Variants in WWOX observed in about 807,000 individuals in gnomAD.
WWOX encodes WW domain containing oxidoreductase.
In WWOX, 69 loss-of-function variants were observed where a neutral mutation model predicts 46.2. That is an observed-to-expected ratio of 1.49 (90% CI 1.23 to 1.82). The LOEUF is 1.82. Among genes scored for constraint, WWOX ranks in the 40% most tolerant of loss-of-function variants. WWOX has a pLI of 0.00. For synonymous variants in WWOX, 359 were observed against 202.6 expected (o/e 1.77, Z -6.56); for missense variants, 919 against 542.6 (o/e 1.69, Z -6.89).
In WWOX at chr16:78,309,735, A is replaced by T. The variant is rs1049887359; in HGVS notation, c.517-77125A>T. On this transcript the variant is annotated intron_variant, in intron 5 of 8. Coordinates refer to ENST00000566780, the MANE Select transcript of WWOX (RefSeq NM_016373.4). ...TCAACGTACGTGACTACCCAGAATT[A>T]AACTGGAATGCTGTTAATAAGAGAA... 2.6e-5 allele frequency among the ~76,000 whole-genome samples: 4 copies of T among 152,202 alleles called. No individual in the cohort carries two copies. The East Asian group carries it at 7.7e-4, about 29-fold the overall frequency.
chr16:78,811,458 T>TC (rs1441898162), intron 8 of WWOX, among the ~76,000 whole-genome samples: 1 of 152,076 alleles, frequency 6.6e-6, no homozygotes, highest in Non-Finnish European at 1.5e-5. Flanking sequence ...CCTTTCCCTT[T>TC]CCTTTCTCCT....
rs551237319 is a variant in WWOX, at chr16:78,132,118, G to A, written c.409+16964G>A. Among the ~76,000 whole-genome samples the A allele has an allele frequency of 7.5e-5, 11 of 147,598 alleles. No individual in the cohort carries two copies. In the East Asian group the frequency reaches 1.4e-3, roughly 19 times the overall value. ...TGGCTCACTGCAAGCTCCACCTCCC[G>A]GGTTCACGCCATTCTCCTGCCTCAG... On this transcript the variant is annotated intron_variant, in intron 4 of 8. Coordinates refer to ENST00000566780, the MANE Select transcript of WWOX (RefSeq NM_016373.4).
At chr16:78,317,187 T>G (rs1372077726) in intron 5 of WWOX, among the ~76,000 whole-genome samples, 1 of 152,146 alleles carries the variant, frequency 6.6e-6, no homozygotes, top group East Asian at 1.9e-4. Context: ...AGGCTGTGTT[T>G]GGAAAGGTGA....
At chr16:78,372,669 G>A (rs2081720597) in intron 5 of WWOX, among the ~76,000 whole-genome samples, 1 of 152,104 alleles carries the variant, frequency 6.6e-6, no homozygotes, top group Admixed American at 6.5e-5. Context: ...GCATGGTTGA[G>A]GCTCCGTTTT....
chr16:78,261,784 C>CTATATA (rs1555510653), intron 5 of WWOX, among the ~76,000 whole-genome samples: 8 of 50,896 alleles, frequency 1.6e-4, no homozygotes, highest in Non-Finnish European at 2.4e-4. Flanking sequence ...ATCTATCTAT[C>CTATATA]TATCTATATA....
At chr16:78,315,571 A>T (rs2080341642) in intron 5 of WWOX, among the ~76,000 whole-genome samples, 1 of 151,888 alleles carries the variant, frequency 6.6e-6, no homozygotes, top group South Asian at 2.1e-4. Context: ...AATCGCTTGA[A>T]CCCGGGAAGC....
chr16:78,660,696 T>A (rs745426531), intron 8 of WWOX, among the ~76,000 whole-genome samples: 2 of 152,182 alleles, frequency 1.3e-5, no homozygotes, highest in Non-Finnish European at 2.9e-5. Context: ...TAGTAAAATT[T>A]CTTTCATTCC....
At chr16:78,978,894 G>T (rs933322688) in intron 8 of WWOX, among the ~76,000 whole-genome samples, 3 of 152,196 alleles carry the variant, frequency 2.0e-5, no homozygotes, top group Admixed American at 6.5e-5. Flanking sequence ...CGGGGACACA[G>T]ATCCAAACCT....
intron 8 of WWOX, among the ~76,000 whole-genome samples, chr16:78,934,546 C>T (rs1333319802): frequency 4.0e-5 from 6 of 148,626 alleles, no homozygotes; most frequent in African/African-American, 1.5e-4. Context: ...CACAACTTAC[C>T]AAACCAAGAA....
At chr16:78,484,436 G>C (rs144105654) in intron 8 of WWOX, among the ~76,000 whole-genome samples, 1 of 152,104 alleles carries the variant, frequency 6.6e-6, no homozygotes, top group African/African-American at 2.4e-5. Context: ...ACTTGTTTAA[G>C]ATACCCTACC....
At chr16:78,224,667 C>G (rs895092209) in intron 5 of WWOX, among the ~76,000 whole-genome samples, 9 of 152,106 alleles carry the variant, frequency 5.9e-5, no homozygotes, top group African/African-American at 1.9e-4. Context: ...TTCCTTGGTG[C>G]GCTTGGAAGT....
intron 8 of WWOX, among the ~76,000 whole-genome samples, chr16:79,151,919 TATCAC>T (rs2050286998): frequency 6.6e-6 from 1 of 152,208 alleles, no homozygotes; most frequent in Non-Finnish European, 1.5e-5. Flanking sequence ...AGCCATGAAA[TATCAC>T]ATGTAAATAG....
rs956906716 is a variant in WWOX, at chr16:78,109,851, G to A, written c.230+16G>A. 6.2e-7 allele frequency: 1 copy of A among 1,614,112 alleles called. No individual in the cohort carries two copies. Among genetic ancestry groups the A allele is most frequent in the Non-Finnish European group, 8.5e-7 (1 of 1,180,012 alleles). ...TTTTTGTTGAGTAAGTGTCTGCAAAGAAACCACTCTCAGCTGTTTTGCTTT... is the reference window on the plus strand; with the variant it reads ...TTTTTGTTGAGTAAGTGTCTGCAAAAAAACCACTCTCAGCTGTTTTGCTTT... On this transcript the variant is annotated intron_variant, in intron 3 of 8. Coordinates refer to ENST00000566780, the MANE Select transcript of WWOX (RefSeq NM_016373.4).
At chr16:78,587,193 C>T (rs2045228679) in intron 8 of WWOX, among the ~76,000 whole-genome samples, 11 of 112,882 alleles carry the variant, frequency 9.7e-5, no homozygotes, top group East Asian at 9.2e-4. Context: ...GCCTGGCTAA[C>T]TTTTTTTTTT....
chr16:78,763,310 C>T (rs911372975), intron 8 of WWOX, among the ~76,000 whole-genome samples: 9 of 152,218 alleles, frequency 5.9e-5, no homozygotes, highest in Non-Finnish European at 1.3e-4. Flanking sequence ...AAATATGTTC[C>T]AATTTCCCAT....
chr16:78,113,821 TTATAAA>T (rs1211381186), intron 3 of WWOX, among the ~76,000 whole-genome samples: 8 of 152,148 alleles, frequency 5.3e-5, no homozygotes, highest in Admixed American at 5.2e-4. Flanking sequence ...ATTAAGGTTG[TTATAAA>T]TAGAATGAGG....
intron 8 of WWOX, among the ~76,000 whole-genome samples, chr16:79,181,715 T>G (rs1331702391): frequency 1.3e-5 from 2 of 152,196 alleles, no homozygotes; most frequent in African/African-American, 2.4e-5. Flanking sequence ...TTTTCCTTCT[T>G]TTGACATACT....
chr16:78,989,951 G>A (rs964594420), intron 8 of WWOX, among the ~76,000 whole-genome samples: 2 of 151,754 alleles, frequency 1.3e-5, no homozygotes, highest in African/African-American at 4.8e-5. Flanking sequence ...GGGAGGCCGG[G>A]GCGAGCAAAT....
At chr16:78,776,346 C>T (rs1046737114) in intron 8 of WWOX, among the ~76,000 whole-genome samples, 1 of 152,122 alleles carries the variant, frequency 6.6e-6, no homozygotes, top group Admixed American at 6.5e-5. Flanking sequence ...TCGTGCGAAG[C>T]CCCTCTGCCT....
Sources: allele counts gnomAD v4.1 joint callset (sites outside exome capture counted in the v4.1 genomes callset), GRCh38; gene constraint gnomAD v4.1.1; transcripts MANE v1.5; gene names NCBI Gene and HGNC (gene_info 2026-07-23, HGNC 2026-07-21).